PSG3: variants seen among roughly 807,000 people sequenced by gnomAD.
PSG3 encodes the protein pregnancy-specific beta-1-glycoprotein 3.
PSG3 carries 61 observed loss-of-function variants against 47.5 expected under a neutral mutation model. The observed-to-expected ratio is 1.28, with a 90% CI of 1.05 to 1.59. PSG3 has a LOEUF of 1.59. Among genes scored for constraint, PSG3 ranks in the 40% most tolerant of loss-of-function variants. The probability of loss-of-function intolerance (pLI) is 0.00; values close to 1 mark genes in which losing one functional copy is unlikely to be tolerated. For synonymous variants in PSG3, 263 were observed against 198.4 expected, an observed-to-expected ratio of 1.33 and a Z score of -2.74; for missense variants, 756 against 524.0, an observed-to-expected ratio of 1.44 and a Z score of -4.32.
At chr19:42,735,490 C>T (rs538725005) in intron 2 of PSG3, among the ~76,000 whole-genome samples, 61 of 152,266 alleles carry the variant, frequency 4.0e-4, no homozygotes, top group African/African-American at 1.2e-3. Flanking sequence ...GCTTGGCCTC[C>T]CAAATAGCTG....
At chr19:42,729,616 T>G (rs1298126958) in intron 4 of PSG3, among the ~76,000 whole-genome samples, 162 bp downstream of exon 4, 1 of 152,216 alleles carries the variant, frequency 6.6e-6, no homozygotes, top group Non-Finnish European at 1.5e-5. Context: ...TGGTTAAGGC[T>G]GTGCCTACCC....
chr19:42,735,854 C>G (rs1472998240), intron 2 of PSG3, among the ~76,000 whole-genome samples: 1 of 152,076 alleles, frequency 6.6e-6, no homozygotes, highest in Non-Finnish European at 1.5e-5. Context: ...TGAAATGAGC[C>G]CATGGGGTTT....
At chr19:42,728,937 G>T (rs1259461483) in intron 5 of PSG3, among the ~76,000 whole-genome samples, 186 bp downstream of exon 5, 5 of 152,130 alleles carry the variant, frequency 3.3e-5, no homozygotes, top group South Asian at 2.1e-4. Flanking sequence ...TCAGCCATGA[G>T]AAAACAGAAA....
At chr19:42,724,704 C>G (rs1045608899) in intron 5 of PSG3, among the ~76,000 whole-genome samples, 3 of 152,090 alleles carry the variant, frequency 2.0e-5, no homozygotes, top group South Asian at 2.1e-4. Context: ...CATTCCCTCA[C>G]AGGTGTCTTC....
rs116548942 is a variant in PSG3, at chr19:42,735,322, G to A, written c.431-2260C>T. On this transcript the variant is annotated intron_variant, in intron 2 of 6. Coordinates refer to ENST00000327495, the MANE Select transcript of PSG3 (RefSeq NM_021016.4). ...AGCTAGGGATTCTTTCCTCAGCTAT[G>A]TTCAGTCTACCAGTAAGTATCAAAA... Among the ~76,000 whole-genome samples the A allele has an allele frequency of 4.9e-3, 740 of 152,154 alleles. 1 individual carries two copies. Among genetic ancestry groups the A allele is most frequent in the Middle Eastern group, 0.024 (7 of 294 alleles).
chr19:42,738,673 G>A (rs763818479), intron 2 of PSG3, 51 bp downstream of exon 2: 3 of 1,612,174 alleles, frequency 1.9e-6, no homozygotes, highest in Admixed American at 3.3e-5. Context: ...CTTTGTGTGT[G>A]AAGTAAAGAC....
intron 2 of PSG3, among the ~76,000 whole-genome samples, chr19:42,735,727 C>A (rs1169396867): frequency 6.6e-6 from 1 of 152,116 alleles, no homozygotes; most frequent in South Asian, 2.1e-4. Context: ...AGTGTTAGAA[C>A]CGAGGAACAA....
At position 42,725,890 on chromosome 19, in the gene PSG3, C is replaced by CAAAAAAAAAAAAAAAAAAAAAAAAA. The variant is rs200684147; in HGVS notation, c.1244-1866_1244-1865insTTTTTTTTTTTTTTTTTTTTTTTTT. ...TCTCTCTCTCTTCAACAACAACAAC[C>CAAAAAAAAAAAAAAAAAAAAAAAAA]AAAAAAAAAAAAAAAAAAAGAAAAA... On this transcript the variant is annotated intron_variant, in intron 5 of 6. Transcript: ENST00000327495. Among the ~76,000 whole-genome samples the CAAAAAAAAAAAAAAAAAAAAAAAAA allele has an allele frequency of 3.4e-4, 23 of 68,030 alleles. 1 individual carries two copies. The highest frequency in any genetic ancestry group is 1.3e-3 in the African/African-American group (21 of 16,016). The allele number at this position is 68,030 out of a possible 152,430, so 44.6% of individuals were successfully genotyped here.
At position 42,732,949 on chromosome 19, in the gene PSG3, TC is replaced by T. The variant is rs2122182890; in HGVS notation, c.543del (p.Trp181Ter). ...GTCATAGGGAGGCTCTGACCATTCATCCACCACAGGTAGCTTGCGTCCGGAG... is the reference window on the plus strand; with the variant it reads ...GTCATAGGGAGGCTCTGACCATTCATCACCACAGGTAGCTTGCGTCCGGAG... ...PETPDASYLW[W>X]MNGQSLPMTH... On this transcript the variant is annotated frameshift_variant, in exon 3 of 7. Transcript: ENST00000327495. LOFTEE classifies it high-confidence loss of function. The T allele has an allele frequency of 1.2e-6, 2 of 1,614,152 alleles. No homozygotes were observed. The highest frequency in any genetic ancestry group is 4.5e-5 in the East Asian group (2 of 44,884).
chr19:42,729,473 C>T, intron 4 of PSG3, 96 bp from the exon 5 acceptor site: 1 of 1,529,882 alleles, frequency 6.5e-7, no homozygotes, highest in South Asian at 1.3e-5. Flanking sequence ...TGAGCCAAGA[C>T]ACACCCTCAA....
In PSG3 at chr19:42,730,064, G is replaced by A. The variant is rs377422663; in HGVS notation, c.710-8C>T. 31 of 1,610,324 alleles carry A rather than the reference G, an allele frequency of 1.9e-5. No individual in the cohort carries two copies. Among genetic ancestry groups the A allele is most frequent in the Middle Eastern group, 4.0e-4 (2 of 5,000 alleles). On this transcript the variant is annotated splice_region_variant and splice_polypyrimidine_tract_variant and intron_variant, in intron 3 of 6. Transcript: ENST00000327495. ...AGGGCTTGGGCAGCTTCGCTGTGTG[G>A]ATAACAGAGAGAAGATTGTCCTGTG... is the stretch of plus-strand genomic sequence containing the variant.
At chr19:42,730,219 G>A (rs1600383684) in intron 3 of PSG3, among the ~76,000 whole-genome samples, 163 bp from the exon 4 acceptor site, 1 of 152,152 alleles carries the variant, frequency 6.6e-6, no homozygotes, top group East Asian at 1.9e-4. Context: ...TGATCTAAGG[G>A]CTCAAAGACT....
intron 2 of PSG3, chr19:42,733,299 A>C (rs1387814491): frequency 3.3e-6 from 3 of 898,302 alleles, no homozygotes; most frequent in Non-Finnish European, 4.7e-6. Context: ...GAGCAGCAGC[A>C]TTGGGTCACG....
At position 42,740,449 on chromosome 19, in the gene PSG3, A is replaced by C; in HGVS notation, c.-65T>G. 6.2e-7 allele frequency: 1 copy of C among 1,613,374 alleles called. No homozygotes were observed. Among genetic ancestry groups the C allele is most frequent in the Non-Finnish European group, 8.5e-7 (1 of 1,179,672 alleles). ...CCTAGGATCCAGAAACTTCCTGAGC[A>C]TGGCTCTCAGCTGTGCTGTCCTTCC... On this transcript the variant is annotated 5_prime_UTR_variant, in exon 1 of 7. An upstream start codon of the reference 5' UTR is lost. Transcript: ENST00000327495.
At chr19:42,724,103 A>G (rs1202334432) in intron 5 of PSG3, 78 bp from the exon 6 acceptor site, 11 of 1,500,090 alleles carry the variant, frequency 7.3e-6, no homozygotes, top group South Asian at 5.7e-5. Flanking sequence ...CAAGCATGTA[A>G]CATGAGGTAC....
At chr19:42,732,717 G>A (rs1306075925) in intron 3 of PSG3, 67 bp downstream of exon 3, 1 of 1,613,956 alleles carries the variant, frequency 6.2e-7, no homozygotes, top group African/African-American at 1.3e-5. Context: ...GGGACTGAGA[G>A]GCCTGGCCTC....
intron 6 of PSG3, among the ~76,000 whole-genome samples, chr19:42,723,140 T>A (rs1361797771): frequency 6.6e-6 from 1 of 152,240 alleles, no homozygotes; most frequent in Admixed American, 6.5e-5. Context: ...TGTATCTTTT[T>A]TAAACACATG....
chr19:42,732,490 G>T (rs1187235435), intron 3 of PSG3: 1 of 651,972 alleles, frequency 1.5e-6, no homozygotes, highest in East Asian at 3.1e-5. Context: ...CAACACTGAA[G>T]TCCCAGCCAA....
At chr19:42,731,981 A>G (rs1193469723) in intron 3 of PSG3, 1 of 151,772 alleles carries the variant, frequency 6.6e-6, no homozygotes, top group East Asian at 1.9e-4. Flanking sequence ...GGGACAGGCA[A>G]AAGCTGGTGG....
Sources: allele counts gnomAD v4.1 joint callset (sites outside exome capture counted in the v4.1 genomes callset), GRCh38; gene constraint gnomAD v4.1.1; transcripts MANE v1.5; gene names NCBI Gene and HGNC (gene_info 2026-07-23, HGNC 2026-07-21).